The following ZNF648 variants were observed in gnomAD, a reference collection of about 807,000 sequenced individuals.
ZNF648 encodes zinc finger protein 648.
ZNF648 carries 1 observed loss-of-function variant against 0.3 expected under a neutral mutation model. That is an observed-to-expected ratio of 3.90 (90% confidence interval 1.39 to 18.51). The LOEUF (loss-of-function observed/expected upper bound fraction) is 18.51, where lower values mean the gene tolerates loss of function less well. Among genes scored for constraint, ZNF648 ranks in the 30% most tolerant of loss-of-function variants. The pLI is 0.11. For synonymous variants in ZNF648, 376 were observed against 326.8 expected (o/e 1.15, Z -1.62); for missense variants, 874 against 769.7 (o/e 1.14, Z -1.60).
upstream of ZNF648, among the ~76,000 whole-genome samples, chr1:182,066,299 G>T (rs1666098595): frequency 6.6e-6 from 1 of 152,184 alleles, no homozygotes; most frequent in Non-Finnish European, 1.5e-5. Context: ...TGGACTGGAT[G>T]GGTGGAGTGG....
intron 1 of ZNF648, among the ~76,000 whole-genome samples, chr1:182,058,422 T>G (rs573067565): frequency 6.6e-6 from 1 of 152,004 alleles, no homozygotes; most frequent in East Asian, 1.9e-4. Flanking sequence ...GATGAGAGGG[T>G]AGGAACCAAG....
chr1:182,062,192 G>C (rs1304474710), upstream of ZNF648, among the ~76,000 whole-genome samples: 1 of 152,154 alleles, frequency 6.6e-6, no homozygotes, highest in Non-Finnish European at 1.5e-5. Context: ...CTTTTAACTG[G>C]GAGTAGGGGT....
the ZNF648 span, among the ~76,000 whole-genome samples, chr1:182,066,869 C>T: frequency 6.6e-6 from 1 of 152,106 alleles, no homozygotes; most frequent in South Asian, 2.1e-4. Context: ...ACCTTTGCTC[C>T]ATCCCTGTTC....
chr1:182,062,647 G>A (rs1666046520), upstream of ZNF648: 1 of 152,126 alleles, frequency 6.6e-6, no homozygotes, highest in African/African-American at 2.4e-5. Flanking sequence ...TCGGTGTTTG[G>A]AACATAGCAA....
intron 1 of ZNF648, 27 bp from the exon 2 acceptor site, chr1:182,058,100 A>G (rs1221857012): frequency 4.1e-6 from 6 of 1,449,860 alleles, no homozygotes; most frequent in Non-Finnish European, 5.6e-6. Flanking sequence ...ACGAAGAGAA[A>G]ATCACAAAGA....
chr1:182,067,433 G>A, the ZNF648 span, among the ~76,000 whole-genome samples: 1 of 152,186 alleles, frequency 6.6e-6, no homozygotes, highest in African/African-American at 2.4e-5. Flanking sequence ...CAGAGTACAA[G>A]GGATGGACAA....
rs1290249250 is a variant in ZNF648, at chr1:182,056,181, A to G, written c.*123T>C. ...TTCTGTTCAAGGGATCAAATAAATA[A>G]TCAAATGGACCACTGATGACCCGCG... On this transcript the variant is annotated 3_prime_UTR_variant, in exon 2 of 2. Coordinates refer to ENST00000339948, the MANE Select transcript of ZNF648 (RefSeq NM_001009992.1). 3.1e-6 allele frequency: 4 copies of G among 1,285,652 alleles called. No individual in the cohort carries two copies. Among genetic ancestry groups the G allele is most frequent in the Non-Finnish European group, 4.2e-6 (4 of 950,208 alleles). The allele number at this position is 1,285,652 out of a possible 1,614,324, so 79.6% of individuals were successfully genotyped here.
chr1:182,058,242 T>A (rs923611836), intron 1 of ZNF648, among the ~76,000 whole-genome samples, 169 bp from the exon 2 acceptor site: 6 of 152,098 alleles, frequency 3.9e-5, no homozygotes, highest in South Asian at 2.1e-4. Flanking sequence ...AAAATTCCAG[T>A]CATCCTATTC....
rs368688153 is a variant in ZNF648, at chr1:182,056,366, G to A, written c.1645C>T (p.Arg549Ter). The stretch of plus-strand genomic sequence containing the variant: ...CAGGTGCCGTGCTTGGCTCGGTGTC[G>A]TTGGAGGTGATTGGACCTGGTGAAG... ...QAFTRSNHLQ[R>*]HRAKHGTCKK... The change falls in exon 2 of 2, where the codon CGA (arginine) becomes TGA (stop). Residue 549 changes from arginine (R) to a stop codon, truncating the protein, a stop_gained. Transcript: ENST00000339948. LOFTEE classifies it high-confidence loss of function. 5 of 1,614,140 alleles carry A rather than the reference G, an allele frequency of 3.1e-6. No homozygotes were observed. Among genetic ancestry groups the A allele is most frequent in the Non-Finnish European group, 4.2e-6 (5 of 1,180,020 alleles).
upstream of ZNF648, chr1:182,061,716 G>A (rs1666034449): frequency 6.6e-6 from 1 of 152,440 alleles, no homozygotes; most frequent in South Asian, 2.1e-4. Flanking sequence ...TGCAGAGAGA[G>A]CCTCTGGAGG....
chr1:182,054,780 T>A lies in ZNF648; in HGVS notation c.*1524A>T, dbSNP rs1318093632. The A allele has an allele frequency of 2.0e-5, 3 of 152,192 alleles. No homozygotes were observed. The allele number at this position is 152,192 out of a possible 1,614,324, so 9.4% of individuals were successfully genotyped here. Reference sequence around the variant, plus strand: ...CAGATGCAGAAACTGAAGCCCAAGGTCACATCAACAGTAAAGGATGGGGAT... The same window carrying A: ...CAGATGCAGAAACTGAAGCCCAAGGACACATCAACAGTAAAGGATGGGGAT... On this transcript the variant is annotated 3_prime_UTR_variant, in exon 2 of 2. Coordinates refer to ENST00000339948, the MANE Select transcript of ZNF648 (RefSeq NM_001009992.1).
intron 1 of ZNF648, among the ~76,000 whole-genome samples, chr1:182,060,860 G>A (rs113845800): frequency 7.8e-4 from 118 of 152,246 alleles, no homozygotes; most frequent in Non-Finnish European, 1.5e-3. Context: ...CATACTGCCT[G>A]TTTCTGTGGC....
Sources: gnomAD v4.1 joint callset for allele counts (sites outside exome capture counted in the v4.1 genomes callset) on GRCh38, gnomAD v4.1.1 for gene constraint, MANE v1.5 for transcripts, NCBI Gene and HGNC (gene_info 2026-07-23, HGNC 2026-07-21) for gene names.